The following RPA3 variants were observed in gnomAD, a reference collection of about 807,000 sequenced individuals.
RPA3 encodes the protein replication protein A3.
Under a neutral mutation model 13.7 loss-of-function variants are expected in RPA3, and 24 were observed. That is an observed-to-expected ratio of 1.75 (90% CI 1.27 to 2.46). RPA3 has a LOEUF of 2.46. Ranked by LOEUF, RPA3 falls within the 30% of genes most tolerant of loss-of-function variation. RPA3 has a pLI of 0.00. For missense variants in RPA3, 183 were observed against 151.0 expected (o/e 1.21, Z -1.11); for synonymous variants, 59 against 51.2 (o/e 1.15, Z -0.65).
At chr7:7,637,355 A>G (rs1404333556) in intron 7 of RPA3, among the ~76,000 whole-genome samples, 1 of 152,198 alleles carries the variant, frequency 6.6e-6, no homozygotes, top group Non-Finnish European at 1.5e-5. Context: ...TTCAGATATT[A>G]CAACAAAAAA....
At chr7:7,705,255 G>A (rs1287613761) in intron 2 of RPA3, among the ~76,000 whole-genome samples, 1 of 152,168 alleles carries the variant, frequency 6.6e-6, no homozygotes, top group Non-Finnish European at 1.5e-5. Context: ...TTGATGCACT[G>A]TGATTTAGTT....
chr7:7,656,530 T>C (rs1459329951), intron 4 of RPA3, among the ~76,000 whole-genome samples: 1 of 152,186 alleles, frequency 6.6e-6, no homozygotes, highest in Non-Finnish European at 1.5e-5. Context: ...TGTGTTCTCA[T>C]TGCTCAACTC....
At chr7:7,650,845 C>G (rs1785209162) in intron 4 of RPA3, among the ~76,000 whole-genome samples, 1 of 152,188 alleles carries the variant, frequency 6.6e-6, no homozygotes, top group African/African-American at 2.4e-5. Context: ...GAAAGACATT[C>G]CAGGTTCTGG....
intron 2 of RPA3, among the ~76,000 whole-genome samples, chr7:7,707,917 C>T (rs1212548644): frequency 6.6e-6 from 1 of 152,102 alleles, no homozygotes; most frequent in Non-Finnish European, 1.5e-5. Context: ...GCCTTGTTGC[C>T]CAGACAGTGA....
In RPA3 at chr7:7,636,932, A is replaced by G. The variant is rs1004906150; in HGVS notation, c.*68T>C. Reference sequence around the variant, plus strand: ...AGAAAGCACAGAAATCTCTCCCTCAAACAAGAAGGGCTTCCTTTAATAGAC... The same window carrying G: ...AGAAAGCACAGAAATCTCTCCCTCAGACAAGAAGGGCTTCCTTTAATAGAC... On this transcript the variant is annotated 3_prime_UTR_variant, in exon 8 of 8. Coordinates refer to ENST00000223129, the MANE Select transcript of RPA3 (RefSeq NM_002947.5). 1 of 1,169,260 alleles carries G rather than the reference A, an allele frequency of 8.6e-7. No homozygotes were observed. Among genetic ancestry groups the G allele is most frequent in the Non-Finnish European group, 1.3e-6 (1 of 792,836 alleles). The allele number at this position is 1,169,260 out of a possible 1,614,324, so 72.4% of individuals were successfully genotyped here.
At chr7:7,647,999 T>A (rs1368697026) in intron 4 of RPA3, among the ~76,000 whole-genome samples, 1 of 152,198 alleles carries the variant, frequency 6.6e-6, no homozygotes, top group Non-Finnish European at 1.5e-5. Flanking sequence ...TTTTCCATCC[T>A]ATATCTCACC....
At chr7:7,677,826 A>T (rs1691810029) in intron 4 of RPA3, among the ~76,000 whole-genome samples, 1 of 150,706 alleles carries the variant, frequency 6.6e-6, no homozygotes, top group Non-Finnish European at 1.5e-5. Flanking sequence ...GGCGCCCGCC[A>T]CTACGCCCGG....
At position 7,640,315 on chromosome 7, in the gene RPA3, C is replaced by T; in HGVS notation, c.99+5G>A. On this transcript the variant is annotated splice_donor_5th_base_variant and intron_variant, in intron 5 of 7. Coordinates refer to ENST00000223129, the MANE Select transcript of RPA3 (RefSeq NM_002947.5). ...TTGGGAGCCCATGATTGCGAACCCG[C>T]ACACCTTTTCCAGCCTCCCTACGAA... 6.2e-7 allele frequency: 1 copy of T among 1,613,970 alleles called. No individual in the cohort carries two copies. The highest frequency in any genetic ancestry group is 8.5e-7 in the Non-Finnish European group (1 of 1,179,916).
At chr7:7,649,783 A>C (rs1030463019) in intron 4 of RPA3, among the ~76,000 whole-genome samples, 32 of 152,164 alleles carry the variant, frequency 2.1e-4, no homozygotes, top group African/African-American at 7.7e-4. Context: ...CCTAACCCCT[A>C]AGGTGATGGC....
Position 7,637,033 on chromosome 7 carries a change from C to A in RPA3, c.333G>T (p.Gln111His). The A allele has an allele frequency of 6.2e-7, 1 of 1,612,720 alleles. No homozygotes were observed. Among genetic ancestry groups the A allele is most frequent in the Non-Finnish European group, 8.5e-7 (1 of 1,179,116 alleles). Residue 111 changes from glutamine (Q) to histidine (H), a missense_variant, in exon 8 of 8, where the codon CAG becomes CAT. Coordinates refer to ENST00000223129, the MANE Select transcript of RPA3 (RefSeq NM_002947.5). ...EAVKIIHDFP[Q>H]FYPLGIVQHD is the part of the protein sequence containing the mutation. ...GTTGCACAATCCCTAAAGGATAAAA[C>A]TGAGGGAAGTCATGGATAATTTTCA...
intron 4 of RPA3, among the ~76,000 whole-genome samples, chr7:7,655,149 A>G (rs1583698055): frequency 6.6e-6 from 1 of 152,110 alleles, no homozygotes; most frequent in South Asian, 2.1e-4. Context: ...AGTAGCTGGC[A>G]GTTGAGATTA....
At chr7:7,685,280 A>C (rs1780015523) in intron 4 of RPA3, among the ~76,000 whole-genome samples, 2 of 151,548 alleles carry the variant, frequency 1.3e-5, no homozygotes, top group African/African-American at 4.8e-5. Flanking sequence ...GCATATTATG[A>C]AGGGAAGAAT....
intron 4 of RPA3, among the ~76,000 whole-genome samples, chr7:7,665,880 C>T (rs1242938545): frequency 6.6e-6 from 1 of 150,794 alleles, no homozygotes; most frequent in African/African-American, 2.4e-5. Context: ...TTTTGTTTCC[C>T]TTTTACTACC....
At chr7:7,710,744 T>C (rs1487893412) in intron 2 of RPA3, among the ~76,000 whole-genome samples, 3 of 152,190 alleles carry the variant, frequency 2.0e-5, no homozygotes, top group Non-Finnish European at 4.4e-5. Context: ...AAACTGAGTA[T>C]TTATAGCAAT....
At position 7,679,545 on chromosome 7, in the gene RPA3, A is replaced by G. The variant is rs10257824; in HGVS notation, c.-758+6285T>C. Reference sequence around the variant, plus strand: ...AGATAAATATATATTTATATATTTAATTTATAGATAAATATATATTTATAT... The same window carrying G: ...AGATAAATATATATTTATATATTTAGTTTATAGATAAATATATATTTATAT... On this transcript the variant is annotated intron_variant, in intron 4 of 7. Transcript: ENST00000223129. 3.1e-3 allele frequency among the ~76,000 whole-genome samples: 5 copies of G among 1,600 alleles called. 1 individual carries two copies. The highest frequency in any genetic ancestry group is 0.022 in the African/African-American group (4 of 182). 1.0% of individuals were successfully genotyped at this position (1,600 alleles called of 152,430 possible). A position where few individuals can be genotyped will look rare whatever the true frequency, so the allele number is the denominator to read the frequency against.
At chr7:7,709,456 G>A (rs1372461639) in intron 2 of RPA3, among the ~76,000 whole-genome samples, 2 of 152,334 alleles carry the variant, frequency 1.3e-5, no homozygotes, top group Admixed American at 6.5e-5. Flanking sequence ...CACCCGAGGA[G>A]GGCAGAATGC....
At chr7:7,672,252 C>T (rs13231388) in intron 4 of RPA3, among the ~76,000 whole-genome samples, 97,189 of 151,962 alleles carry the variant, frequency 0.64, 31,429 homozygotes, top group East Asian at 0.87. Flanking sequence ...TCCTATGTGT[C>T]CTTGCAAGTA....
At chr7:7,657,481 A>G (rs1583700726) in intron 4 of RPA3, among the ~76,000 whole-genome samples, 1 of 152,234 alleles carries the variant, frequency 6.6e-6, no homozygotes, top group Non-Finnish European at 1.5e-5. Flanking sequence ...TCTTGAGTTA[A>G]TTTTTGTATA....
At chr7:7,678,668 A>G (rs866020687) in intron 4 of RPA3, among the ~76,000 whole-genome samples, 86 of 109,928 alleles carry the variant, frequency 7.8e-4, no homozygotes, top group African/African-American at 3.0e-3. Flanking sequence ...TTAGTTTATA[A>G]ATATATATTT....
Sources: gnomAD v4.1 joint callset for allele counts (sites outside exome capture counted in the v4.1 genomes callset) on GRCh38, gnomAD v4.1.1 for gene constraint, MANE v1.5 for transcripts, NCBI Gene and HGNC (gene_info 2026-07-23, HGNC 2026-07-21) for gene names.